Variants in SPOCK1 observed in about 807,000 individuals in gnomAD.
SPOCK1 encodes the protein testican-1.
In SPOCK1, 23 loss-of-function variants were observed where a neutral mutation model predicts 55.3. The ratio of observed to expected loss-of-function variants is 0.42; its 90% CI spans 0.30 to 0.59. The LOEUF is 0.59. Ranked by LOEUF, SPOCK1 falls within the 20% of genes least tolerant of loss-of-function variation. SPOCK1 has a pLI of 0.22. For synonymous variants in SPOCK1, 226 were observed against 221.0 expected, an observed-to-expected ratio of 1.02 and a Z score of -0.20; for missense variants, 499 against 552.5, an observed-to-expected ratio of 0.90 and a Z score of 0.97.
chr5:137,484,793 C>T (rs759987611), intron 2 of SPOCK1, among the ~76,000 whole-genome samples: 1 of 152,146 alleles, frequency 6.6e-6, no homozygotes, highest in African/African-American at 2.4e-5. Flanking sequence ...AACCAATTGC[C>T]TACCATCAGA....
chr5:137,466,089 CAG>C (rs1000760214), intron 2 of SPOCK1, among the ~76,000 whole-genome samples: 2 of 152,226 alleles, frequency 1.3e-5, no homozygotes, highest in Non-Finnish European at 2.9e-5. Flanking sequence ...TCAGACAAAT[CAG>C]AGTCATGTGG....
intron 3 of SPOCK1, among the ~76,000 whole-genome samples, chr5:137,189,546 G>GA: frequency 6.6e-6 from 1 of 152,152 alleles, no homozygotes; most frequent in Admixed American, 6.5e-5. Flanking sequence ...CTACCACTCA[G>GA]AAAAAAAGAT....
chr5:137,331,424 A>T (rs1040790923), intron 2 of SPOCK1, among the ~76,000 whole-genome samples: 2 of 152,224 alleles, frequency 1.3e-5, no homozygotes, highest in South Asian at 2.1e-4. Flanking sequence ...ACAAGAGAGA[A>T]GATGACTCCA....
At chr5:137,349,291 G>A (rs1750626911) in intron 2 of SPOCK1, among the ~76,000 whole-genome samples, 1 of 152,180 alleles carries the variant, frequency 6.6e-6, no homozygotes, top group African/African-American at 2.4e-5. Context: ...CCTCAGGGTA[G>A]TAACTATAAT....
intron 4 of SPOCK1, among the ~76,000 whole-genome samples, chr5:137,116,443 G>C (rs1225136993): frequency 6.6e-6 from 1 of 151,998 alleles, no homozygotes; most frequent in Non-Finnish European, 1.5e-5. Flanking sequence ...TCAGGAGTTC[G>C]AGACCAGCCT....
intron 2 of SPOCK1, among the ~76,000 whole-genome samples, chr5:137,389,164 T>C (rs900759169): frequency 6.6e-6 from 1 of 152,148 alleles, no homozygotes; most frequent in African/African-American, 2.4e-5. Context: ...CTCTTTAAAA[T>C]AGCACAGAAG....
At position 137,435,801 on chromosome 5, in the gene SPOCK1, AT is replaced by A. The variant is rs71583280; in HGVS notation, c.186+62571del. ...GCTTTGTTGCATGTGTTTTTCTTAG[AT>A]TTTTTTTTTTACCAGCATCTTAATT... On this transcript the variant is annotated intron_variant, in intron 2 of 10. Coordinates refer to ENST00000394945, the MANE Select transcript of SPOCK1 (RefSeq NM_004598.4). Among the ~76,000 whole-genome samples, 440 of 149,024 alleles carry A rather than the reference AT, an allele frequency of 3.0e-3. 8 individuals carry two copies. The highest frequency in any genetic ancestry group is 0.02 in the Admixed American group (302 of 14,964).
chr5:137,037,433 A>T (rs1319805535), intron 6 of SPOCK1, among the ~76,000 whole-genome samples: 1 of 151,440 alleles, frequency 6.6e-6, no homozygotes, highest in Non-Finnish European at 1.5e-5. Flanking sequence ...TCTGTAGTCC[A>T]CCTTGTTAGG....
At chr5:137,183,478 A>G (rs1251542126) in intron 3 of SPOCK1, among the ~76,000 whole-genome samples, 1 of 152,222 alleles carries the variant, frequency 6.6e-6, no homozygotes, top group Non-Finnish European at 1.5e-5. Flanking sequence ...TGTCTGGGTC[A>G]GTGGTTCTCA....
chr5:137,317,942 T>A (rs1757911545), intron 2 of SPOCK1, among the ~76,000 whole-genome samples: 1 of 152,218 alleles, frequency 6.6e-6, no homozygotes, highest in Non-Finnish European at 1.5e-5. Flanking sequence ...CTGTACCCAG[T>A]TTTGTTTTGA....
intron 6 of SPOCK1, among the ~76,000 whole-genome samples, chr5:137,004,332 GTGTTT>G (rs1245605845): frequency 6.6e-6 from 1 of 152,070 alleles, no homozygotes; most frequent in East Asian, 1.9e-4. Context: ...AACCATAAAG[GTGTTT>G]TAGGCTATTC....
chr5:137,298,711 G>A (rs747347538), intron 2 of SPOCK1, among the ~76,000 whole-genome samples: 9 of 152,044 alleles, frequency 5.9e-5, no homozygotes, highest in Non-Finnish European at 1.2e-4. Context: ...TAGGTTTTCT[G>A]GGTGAACTGA....
intron 3 of SPOCK1, among the ~76,000 whole-genome samples, chr5:137,156,333 C>T (rs1254915546): frequency 6.6e-6 from 1 of 152,138 alleles, no homozygotes. Context: ...GCTTAAATTC[C>T]AAAAACTCTT....
At chr5:137,270,105 C>T (rs1419081383) in intron 2 of SPOCK1, among the ~76,000 whole-genome samples, 1 of 152,194 alleles carries the variant, frequency 6.6e-6, no homozygotes, top group African/African-American at 2.4e-5. Context: ...CTGAAGCTGA[C>T]AAAGTGCAGG....
chr5:137,147,380 T>C (rs1561626768), intron 3 of SPOCK1, among the ~76,000 whole-genome samples: 1 of 152,222 alleles, frequency 6.6e-6, no homozygotes, highest in Admixed American at 6.5e-5. Flanking sequence ...TCTGTGTTAG[T>C]CTGCTCGGGC....
At chr5:137,302,412 AC>A (rs1211457578) in intron 2 of SPOCK1, among the ~76,000 whole-genome samples, 2 of 18,886 alleles carry the variant, frequency 1.1e-4, no homozygotes, top group Admixed American at 7.1e-4. Context: ...TACTAAAAAT[AC>A]AAAAAAAAAA....
intron 3 of SPOCK1, among the ~76,000 whole-genome samples, chr5:137,147,606 G>A (rs545574146): frequency 3.9e-5 from 6 of 152,260 alleles, no homozygotes; most frequent in Admixed American, 6.5e-5. Context: ...GCCCTCTCTC[G>A]TGTCTCTTCT....
chr5:137,458,664 G>A (rs1340271589), intron 2 of SPOCK1, among the ~76,000 whole-genome samples: 1 of 152,044 alleles, frequency 6.6e-6, no homozygotes, highest in South Asian at 2.1e-4. Flanking sequence ...TTTCTTGTTT[G>A]TTCGTTTTTT....
chr5:137,411,056 G>A (rs1269503104), intron 2 of SPOCK1, among the ~76,000 whole-genome samples: 2 of 152,154 alleles, frequency 1.3e-5, no homozygotes, highest in African/African-American at 4.8e-5. Context: ...CCAGCCAGAA[G>A]GTCTTTACTT....
Sources: allele counts gnomAD v4.1 joint callset (sites outside exome capture counted in the v4.1 genomes callset), GRCh38; gene constraint gnomAD v4.1.1; transcripts MANE v1.5; gene names NCBI Gene and HGNC (gene_info 2026-07-23, HGNC 2026-07-21).